Variants in KCTD1 observed in about 807,000 individuals in gnomAD.
KCTD1 encodes the protein potassium channel tetramerization domain containing 1, also known as BTB/POZ domain-containing protein KCTD1.
Under a neutral mutation model 66.0 loss-of-function variants are expected in KCTD1, and 24 were observed. That is an observed-to-expected ratio of 0.36 (90% CI 0.26 to 0.51). KCTD1 has a LOEUF of 0.51. Among genes scored for constraint, KCTD1 ranks in the 20% least tolerant of loss-of-function variants. KCTD1 has a pLI of 0.95. For synonymous variants in KCTD1, 511 were observed against 517.2 expected, an observed-to-expected ratio of 0.99 and a Z score of 0.16; for missense variants, 943 against 1,205.2, an observed-to-expected ratio of 0.78 and a Z score of 3.22.
chr18:26,653,906 T>A (rs966116201), intron 1 of KCTD1, among the ~76,000 whole-genome samples: 2 of 152,192 alleles, frequency 1.3e-5, no homozygotes, highest in African/African-American at 4.8e-5. Flanking sequence ...ATGGAGCAAA[T>A]AAATGCTCTG....
At chr18:26,559,775 T>C (rs1320443107) in intron 1 of KCTD1, among the ~76,000 whole-genome samples, 2 of 152,188 alleles carry the variant, frequency 1.3e-5, no homozygotes, top group East Asian at 3.9e-4. Context: ...AATGGGGAAA[T>C]TTCCCCTCTC....
chr18:26,587,183 A>G (rs1318661122), intron 1 of KCTD1, among the ~76,000 whole-genome samples: 1 of 152,242 alleles, frequency 6.6e-6, no homozygotes, highest in Non-Finnish European at 1.5e-5. Context: ...GCCAGTGCTC[A>G]TTTATAACTC....
rs1982552075 is a variant in KCTD1 at position 26,497,751 on chromosome 18, A to T, written c.1988+3321T>A. Among the ~76,000 whole-genome samples the T allele has an allele frequency of 2.0e-5, 3 of 152,318 alleles. No homozygotes were observed. The South Asian group carries it at 6.2e-4, about 32-fold the overall frequency. On this transcript the variant is annotated intron_variant, in intron 2 of 4. Coordinates refer to ENST00000580059, the MANE Select transcript of KCTD1 (RefSeq NM_001142730.3). ...CTTTAGGTATTAGCAGCTGAAACAG[A>T]AGTTACTTTGTAAGGCTTGTTTCAA...
chr18:26,521,511 T>C (rs1983908200), intron 1 of KCTD1, among the ~76,000 whole-genome samples: 1 of 152,248 alleles, frequency 6.6e-6, no homozygotes, highest in Non-Finnish European at 1.5e-5. Flanking sequence ...TCTGGGGATT[T>C]AATGAGGGTA....
intron 1 of KCTD1, among the ~76,000 whole-genome samples, chr18:26,511,278 G>C (rs1006119543): frequency 6.6e-6 from 1 of 152,176 alleles, no homozygotes; most frequent in Non-Finnish European, 1.5e-5. Flanking sequence ...ATGGGCTTCA[G>C]GTCAAGGGAG....
intron 1 of KCTD1, among the ~76,000 whole-genome samples, chr18:26,621,936 C>G (rs902860618): frequency 6.6e-6 from 1 of 152,158 alleles, no homozygotes; most frequent in Admixed American, 6.5e-5. Flanking sequence ...CAATTCACCC[C>G]CAAGGCTTGA....
intron 1 of KCTD1, among the ~76,000 whole-genome samples, chr18:26,509,397 T>G (rs542211167): frequency 6.6e-6 from 1 of 152,168 alleles, no homozygotes; most frequent in Non-Finnish European, 1.5e-5. Context: ...ATAAAATTTT[T>G]TTTAATTTTA....
At chr18:26,515,420 A>G (rs1339490196) in intron 1 of KCTD1, among the ~76,000 whole-genome samples, 2 of 152,148 alleles carry the variant, frequency 1.3e-5, no homozygotes, top group African/African-American at 4.8e-5. Context: ...CCAGGATCTA[A>G]ACTTACATCC....
At chr18:26,518,217 A>G (rs1358658781) in intron 1 of KCTD1, among the ~76,000 whole-genome samples, 1 of 152,226 alleles carries the variant, frequency 6.6e-6, no homozygotes, top group Non-Finnish European at 1.5e-5. Context: ...TCTCTCCAAT[A>G]ACTATATGAA....
In KCTD1 at chr18:26,570,921, G is replaced by A. The variant is rs550435325; in HGVS notation, c.-16+58226C>T. On this transcript the variant is annotated intron_variant, in intron 1 of 4. Coordinates refer to the KCTD1 transcript ENST00000317932. ...TGTGAGGTTGTCTAAATCATATGCCGAGTATAACTCAATTAATCTCTGAGT... is the reference window on the plus strand; with the variant it reads ...TGTGAGGTTGTCTAAATCATATGCCAAGTATAACTCAATTAATCTCTGAGT... Among the ~76,000 whole-genome samples the A allele has an allele frequency of 4.6e-5, 7 of 152,308 alleles. 1 individual carries two copies. In the South Asian group the frequency reaches 1.2e-3, roughly 27 times the overall value.
At chr18:26,530,787 G>A (rs766328583) in intron 1 of KCTD1, among the ~76,000 whole-genome samples, 158 of 152,290 alleles carry the variant, frequency 1.0e-3, no homozygotes, top group Non-Finnish European at 1.8e-3. Flanking sequence ...TTTAAGGGAC[G>A]ATGTGGGTTT....
At chr18:26,517,992 T>C (rs1329821742) in intron 1 of KCTD1, among the ~76,000 whole-genome samples, 4 of 152,166 alleles carry the variant, frequency 2.6e-5, no homozygotes, top group African/African-American at 4.8e-5. Context: ...AAAAATGAAA[T>C]ATGGTACTCA....
chr18:26,568,937 A>G (rs2144893726), intron 1 of KCTD1, among the ~76,000 whole-genome samples: 1 of 152,332 alleles, frequency 6.6e-6, no homozygotes, highest in Non-Finnish European at 1.5e-5. Context: ...TGGTTTGGGC[A>G]TAACAATTTG....
intron 2 of KCTD1, among the ~76,000 whole-genome samples, chr18:26,481,129 G>A (rs995915579): frequency 2.0e-5 from 3 of 152,122 alleles, no homozygotes; most frequent in Non-Finnish European, 4.4e-5. Context: ...ATTAGTGGGG[G>A]CTCACTATGC....
chr18:26,572,148 C>T (rs959751900), intron 1 of KCTD1, among the ~76,000 whole-genome samples: 2 of 152,030 alleles, frequency 1.3e-5, no homozygotes, highest in East Asian at 3.9e-4. Context: ...CAACCTCTGC[C>T]TCCCAGGTTC....
intron 1 of KCTD1, among the ~76,000 whole-genome samples, chr18:26,568,600 G>A (rs1484411831): frequency 6.6e-6 from 1 of 152,130 alleles, no homozygotes; most frequent in African/African-American, 2.4e-5. Context: ...GGTAGGTTGT[G>A]TAGACAGTCA....
At chr18:26,481,866 A>T (rs36018078) in intron 2 of KCTD1, among the ~76,000 whole-genome samples, 21,352 of 151,828 alleles carry the variant, frequency 0.14, 1,700 homozygotes, top group Admixed American at 0.17. Flanking sequence ...TATTTTTTTT[A>T]AAAAAAACTC....
chr18:26,522,831 C>T (rs1379715562), intron 1 of KCTD1, among the ~76,000 whole-genome samples: 1 of 152,120 alleles, frequency 6.6e-6, no homozygotes, highest in African/African-American at 2.4e-5. Flanking sequence ...GAATAAATAT[C>T]ATTTTCTGAT....
chr18:26,625,656 T>C (rs62085527), intron 1 of KCTD1, among the ~76,000 whole-genome samples: 12,015 of 152,278 alleles, frequency 0.079, 509 homozygotes, highest in African/African-American at 0.1. Context: ...AGTGTAAGAA[T>C]TGACTAATAC....
Sources: gnomAD v4.1 joint callset for allele counts (sites outside exome capture counted in the v4.1 genomes callset) on GRCh38, gnomAD v4.1.1 for gene constraint, MANE v1.5 for transcripts, NCBI Gene and HGNC (gene_info 2026-07-23, HGNC 2026-07-21) for gene names.